The following CUEDC1 variants were observed in gnomAD, a reference collection of about 807,000 sequenced individuals.
CUEDC1 encodes CUE domain-containing protein 1.
CUEDC1 carries 30 observed loss-of-function variants against 43.7 expected under a neutral mutation model. That is an observed-to-expected ratio of 0.69 (90% confidence interval 0.51 to 0.93). The LOEUF is 0.93. CUEDC1 is among the 40% of genes least tolerant of loss of function. CUEDC1 has a pLI of 0.00. For missense variants in CUEDC1, 486 were observed against 549.0 expected (o/e 0.89, Z 1.15); for synonymous variants, 223 against 223.6 (o/e 1.00, Z 0.02).
intron 2 of CUEDC1, among the ~76,000 whole-genome samples, chr17:57,881,636 G>A (rs750739834): frequency 1.9e-3 from 284 of 152,304 alleles, no homozygotes; most frequent in Non-Finnish European, 2.5e-3. Flanking sequence ...CACTGATATG[G>A]GTCAGAGTGA....
chr17:57,867,069 C>A, intron 9 of CUEDC1: 1 of 515,452 alleles, frequency 1.9e-6, no homozygotes, highest in East Asian at 3.3e-5. Context: ...GGCCTGTCTG[C>A]CACCTCACAC....
chr17:57,890,749 A>C (rs1188805491), intron 1 of CUEDC1, among the ~76,000 whole-genome samples: 4 of 152,222 alleles, frequency 2.6e-5, no homozygotes, highest in African/African-American at 9.6e-5. Context: ...GCCCCAGTGC[A>C]GTTCATCTGG....
chr17:57,872,546 G>A (rs368920084), intron 5 of CUEDC1, 117 bp downstream of exon 5: 27 of 1,156,958 alleles, frequency 2.3e-5, no homozygotes, highest in East Asian at 1.0e-4. Context: ...GCCTCAATAG[G>A]ACAGAAAGCA....
In CUEDC1 at chr17:57,885,612, C is replaced by T. The variant is rs1205041076; in HGVS notation, c.-48G>A. The T allele has an allele frequency of 6.0e-6, 8 of 1,343,276 alleles. No homozygotes were observed. The East Asian group carries it at 1.8e-4, about 31-fold the overall frequency. 83.2% of individuals were successfully genotyped at this position (1,343,276 alleles called of 1,614,324 possible). A position where few individuals can be genotyped will look rare whatever the true frequency, so the allele number is the denominator to read the frequency against. The stretch of plus-strand genomic sequence containing the variant: ...ATGTTTCTAGCCGGCCGCAAAGCCC[C>T]TTCCCCAGGGTCTTTCCGCCGTCAG... On this transcript the variant is annotated 5_prime_UTR_variant, in exon 2 of 11. Coordinates refer to ENST00000577830, the MANE Select transcript of CUEDC1 (RefSeq NM_001271875.2).
chr17:57,912,748 C>T (rs1261255375), intron 1 of CUEDC1, among the ~76,000 whole-genome samples: 5 of 152,330 alleles, frequency 3.3e-5, no homozygotes, highest in Admixed American at 6.5e-5. Flanking sequence ...TCCATCAATG[C>T]CTTGGCAGGA....
chr17:57,901,291 G>T (rs2074468963), intron 1 of CUEDC1, among the ~76,000 whole-genome samples: 2 of 152,322 alleles, frequency 1.3e-5, no homozygotes, highest in African/African-American at 4.8e-5. Flanking sequence ...GTTCCCAGCT[G>T]GTCCACAGGT....
rs1016719639 is a variant in CUEDC1 at position 57,906,257 on chromosome 17, A to G, written c.-315-20378T>C. Among the ~76,000 whole-genome samples the G allele has an allele frequency of 2.6e-5, 4 of 152,272 alleles. No homozygotes were observed. In the East Asian group the frequency reaches 5.8e-4, roughly 22 times the overall value. On this transcript the variant is annotated intron_variant, in intron 1 of 10. Coordinates refer to ENST00000577830, the MANE Select transcript of CUEDC1 (RefSeq NM_001271875.2). ...AAATGTACTCTACATATTTAGAACA[A>G]TGGAATATTACTCAGCCACAAAAAG...
intron 1 of CUEDC1, among the ~76,000 whole-genome samples, chr17:57,920,571 T>TG (rs1194052102): frequency 4.6e-5 from 7 of 152,126 alleles, no homozygotes; most frequent in Non-Finnish European, 8.8e-5. Flanking sequence ...GGGATGGGAT[T>TG]GGGGGGTTGT....
chr17:57,952,854 T>C (rs887320437), intron 1 of CUEDC1, among the ~76,000 whole-genome samples: 5 of 152,112 alleles, frequency 3.3e-5, no homozygotes, highest in Admixed American at 1.3e-4. Context: ...AAGTCACAAA[T>C]GGCAGATCGT....
intron 1 of CUEDC1, among the ~76,000 whole-genome samples, chr17:57,944,172 A>C (rs1002133876): frequency 4.0e-5 from 6 of 150,784 alleles, no homozygotes; most frequent in Non-Finnish European, 8.9e-5. Flanking sequence ...GCATGCAATA[A>C]ATGTTAGTTA....
intron 7 of CUEDC1, 99 bp downstream of exon 7, chr17:57,869,023 G>T: frequency 8.3e-7 from 1 of 1,206,086 alleles, no homozygotes. Flanking sequence ...CCAAGAGTCA[G>T]CTGCATTACA....
chr17:57,947,248 C>T (rs532026767), intron 1 of CUEDC1, among the ~76,000 whole-genome samples: 5 of 152,096 alleles, frequency 3.3e-5, no homozygotes, highest in East Asian at 1.9e-4. Context: ...AAGTTCTTGC[C>T]GTCGTGTTTG....
chr17:57,883,613 C>T (rs1259161747), intron 2 of CUEDC1, among the ~76,000 whole-genome samples: 1 of 152,058 alleles, frequency 6.6e-6, no homozygotes, highest in Non-Finnish European at 1.5e-5. Context: ...GTCCCAGCTA[C>T]TCGAGAGGCT....
intron 1 of CUEDC1, among the ~76,000 whole-genome samples, chr17:57,949,564 CTTTTTTTTTTT>C (rs1194743025): frequency 5.0e-5 from 4 of 79,920 alleles, no homozygotes; most frequent in Non-Finnish European, 7.0e-5. Context: ...CTCTGACATA[CTTTTTTTTTTT>C]TTTTTTTTTT....
chr17:57,902,019 C>T (rs1379935143), intron 1 of CUEDC1, among the ~76,000 whole-genome samples: 1 of 151,836 alleles, frequency 6.6e-6, no homozygotes, highest in Non-Finnish European at 1.5e-5. Context: ...ACTAAAAATA[C>T]AAAAATTAGC....
chr17:57,876,372 C>T (rs2074127027), intron 3 of CUEDC1, among the ~76,000 whole-genome samples: 1 of 152,182 alleles, frequency 6.6e-6, no homozygotes, highest in South Asian at 2.1e-4. Flanking sequence ...CTGTCCTCTG[C>T]TTCTCCACAT....
At chr17:57,866,601 C>G in intron 9 of CUEDC1, 57 bp from the exon 10 acceptor site, 1 of 1,572,798 alleles carries the variant, frequency 6.4e-7, no homozygotes, top group Non-Finnish European at 8.7e-7. Flanking sequence ...CGCTCAGGCA[C>G]GGCCCCTAGA....
chr17:57,871,637 G>A (rs1037971786), intron 5 of CUEDC1, among the ~76,000 whole-genome samples: 4 of 152,180 alleles, frequency 2.6e-5, no homozygotes, highest in African/African-American at 9.7e-5. Flanking sequence ...TAAAAAGAAA[G>A]GCACGGCCAG....
At chr17:57,873,918 C>T (rs1041731827) in intron 3 of CUEDC1, among the ~76,000 whole-genome samples, 9 of 152,236 alleles carry the variant, frequency 5.9e-5, no homozygotes, top group Non-Finnish European at 7.3e-5. Context: ...CCCAGCCATT[C>T]ATGCTCTCCA....
Sources: allele counts gnomAD v4.1 joint callset (sites outside exome capture counted in the v4.1 genomes callset), GRCh38; gene constraint gnomAD v4.1.1; transcripts MANE v1.5; gene names NCBI Gene and HGNC (gene_info 2026-07-23, HGNC 2026-07-21).